The following DPP10 variants were observed in gnomAD, a reference collection of about 807,000 sequenced individuals.
DPP10 encodes dipeptidyl peptidase like 10.
Under a neutral mutation model 120.9 loss-of-function variants are expected in DPP10, and 33 were observed. The observed-to-expected ratio is 0.27, with a 90% CI of 0.21 to 0.37. DPP10 has a LOEUF of 0.37. Ranked by LOEUF, DPP10 falls within the 10% of genes least tolerant of loss-of-function variation. The pLI is 1.00. For synonymous variants in DPP10, 337 were observed against 326.1 expected (o/e 1.03, Z -0.36); for missense variants, 816 against 942.8 (o/e 0.87, Z 1.76).
At chr2:115,451,396 C>T (rs1039175032) in intron 3 of DPP10, among the ~76,000 whole-genome samples, 10 of 151,900 alleles carry the variant, frequency 6.6e-5, no homozygotes, top group Non-Finnish European at 1.5e-5. Flanking sequence ...GTTATTAAAT[C>T]AGCATCCTCA....
intron 10 of DPP10, among the ~76,000 whole-genome samples, chr2:115,751,803 GTT>G (rs5833628): frequency 9.7e-6 from 1 of 103,412 alleles, no homozygotes. Context: ...TTTTTTTGTT[GTT>G]TTTTTTTTTT....
chr2:114,561,828 GACACAAA>G (rs1263909786), intron 1 of DPP10, among the ~76,000 whole-genome samples: 3 of 152,178 alleles, frequency 2.0e-5, no homozygotes, highest in Non-Finnish European at 4.4e-5. Context: ...AATGGCCTCT[GACACAAA>G]ACATTCTAGA....
chr2:115,279,006 G>A (rs2060030668), intron 1 of DPP10, among the ~76,000 whole-genome samples: 1 of 152,186 alleles, frequency 6.6e-6, no homozygotes, highest in Non-Finnish European at 1.5e-5. Flanking sequence ...GAAGACAGGT[G>A]TAAACTTGTG....
intron 5 of DPP10, among the ~76,000 whole-genome samples, chr2:115,631,326 A>C (rs1283608238): frequency 6.6e-6 from 1 of 151,606 alleles, no homozygotes; most frequent in Non-Finnish European, 1.5e-5. Context: ...TTATTAGTCC[A>C]GCTAGTGGTC....
chr2:115,431,778 C>G (rs1267557191), intron 3 of DPP10, among the ~76,000 whole-genome samples: 1 of 152,026 alleles, frequency 6.6e-6, no homozygotes, highest in Non-Finnish European at 1.5e-5. Context: ...CCAATATTGT[C>G]CCTTCACTCC....
At chr2:114,718,400 G>GAAAAA (rs71297184) in intron 1 of DPP10, among the ~76,000 whole-genome samples, 1 of 81,188 alleles carries the variant, frequency 1.2e-5, no homozygotes, top group African/African-American at 4.6e-5. Flanking sequence ...GACTCTGTTT[G>GAAAAA]AAAAAAAAAA....
At chr2:114,772,236 C>A (rs1376277272) in intron 1 of DPP10, among the ~76,000 whole-genome samples, 2 of 152,010 alleles carry the variant, frequency 1.3e-5, no homozygotes, top group Non-Finnish European at 2.9e-5. Flanking sequence ...CGGCTCACTG[C>A]AACCTCTGCC....
intron 3 of DPP10, among the ~76,000 whole-genome samples, chr2:115,368,726 T>A (rs544393913): frequency 1.3e-5 from 2 of 151,952 alleles, no homozygotes; most frequent in Non-Finnish European, 2.9e-5. Flanking sequence ...CATGTTATTA[T>A]GAATTTTTAA....
In DPP10 at chr2:114,453,426, T is replaced by G. The variant is rs147615062; in HGVS notation, c.60+10588T>G. ...TTCATTTCTTTTTTCTTTGTTAACA[T>G]GTCATTGGACTTTCTTCTATTTGGG... On this transcript the variant is annotated intron_variant, in intron 1 of 25. Transcript: ENST00000410059. 6.6e-5 allele frequency among the ~76,000 whole-genome samples: 10 copies of G among 152,328 alleles called. No individual in the cohort carries two copies. In the East Asian group the frequency reaches 1.9e-3, roughly 29 times the overall value.
In DPP10 at chr2:114,652,988, AAGAGAG is replaced by A. The variant is rs138466082; in HGVS notation, c.60+210166_60+210171del. Among the ~76,000 whole-genome samples, 18 of 135,496 alleles carry A rather than the reference AAGAGAG, an allele frequency of 1.3e-4. 1 individual carries two copies. The highest frequency in any genetic ancestry group is 2.4e-4 in the South Asian group (1 of 4,178). The allele number at this position is 135,496 out of a possible 152,430, so 88.9% of individuals were successfully genotyped here. A position where few individuals can be genotyped will look rare whatever the true frequency, so the allele number is the denominator to read the frequency against. ...TTTTCCCTCTTTTCTCTCTCATTGG[AAGAGAG>A]AGAGAGAGAGAGAGAAAGAGAGAGA... On this transcript the variant is annotated intron_variant, in intron 1 of 25. Coordinates refer to ENST00000410059, the MANE Select transcript of DPP10 (RefSeq NM_020868.6).
chr2:114,559,016 A>C (rs1396429023), intron 1 of DPP10, among the ~76,000 whole-genome samples: 1 of 152,138 alleles, frequency 6.6e-6, no homozygotes, highest in Non-Finnish European at 1.5e-5. Context: ...ATACATCTCC[A>C]TGTCGACATA....
chr2:115,758,359 C>T (rs191399966), intron 11 of DPP10, among the ~76,000 whole-genome samples: 21 of 151,974 alleles, frequency 1.4e-4, no homozygotes, highest in African/African-American at 4.6e-4. Flanking sequence ...CCACTAAAAC[C>T]CTTAAAACTT....
At chr2:114,877,643 A>G (rs1691264073) in intron 1 of DPP10, among the ~76,000 whole-genome samples, 1 of 152,066 alleles carries the variant, frequency 6.6e-6, no homozygotes, top group African/African-American at 2.4e-5. Context: ...TATTGTCCCA[A>G]AGGATTTCAC....
intron 5 of DPP10, among the ~76,000 whole-genome samples, chr2:115,527,332 AC>A (rs2078193724): frequency 6.6e-6 from 1 of 152,102 alleles, no homozygotes. Context: ...AAAAATAAAA[AC>A]AAAAAGCCCA....
chr2:115,358,894 AACTC>A (rs1371430857), intron 3 of DPP10, among the ~76,000 whole-genome samples: 1 of 152,128 alleles, frequency 6.6e-6, no homozygotes, highest in Non-Finnish European at 1.5e-5. Flanking sequence ...ATCTCATGAG[AACTC>A]ACTCACTATC....
chr2:114,563,480 G>C (rs778005352), intron 1 of DPP10, among the ~76,000 whole-genome samples: 1 of 152,116 alleles, frequency 6.6e-6, no homozygotes. Flanking sequence ...CGAGGAATGG[G>C]CATGCCTTGA....
At chr2:114,446,906 T>C (rs1677973398) in intron 1 of DPP10, among the ~76,000 whole-genome samples, 1 of 152,188 alleles carries the variant, frequency 6.6e-6, no homozygotes, top group Non-Finnish European at 1.5e-5. Context: ...GTTAAATACG[T>C]AGGCTTGGAA....
intron 3 of DPP10, among the ~76,000 whole-genome samples, chr2:115,389,515 T>C (rs1485125079): frequency 6.6e-6 from 1 of 152,176 alleles, no homozygotes; most frequent in African/African-American, 2.4e-5. Context: ...ATACTTGGAT[T>C]TCCATTTTTT....
At chr2:115,583,635 G>A (rs2082125290) in intron 5 of DPP10, among the ~76,000 whole-genome samples, 1 of 152,186 alleles carries the variant, frequency 6.6e-6, no homozygotes, top group Admixed American at 6.5e-5. Context: ...CAGGAAACAG[G>A]TAGTGTAGCA....
Sources: allele counts gnomAD v4.1 joint callset (sites outside exome capture counted in the v4.1 genomes callset), GRCh38; gene constraint gnomAD v4.1.1; transcripts MANE v1.5; gene names NCBI Gene and HGNC (gene_info 2026-07-23, HGNC 2026-07-21).